The following PTPRM variants were observed in gnomAD, a reference collection of about 807,000 sequenced individuals.
The protein encoded by PTPRM is protein tyrosine phosphatase receptor type M.
Under a neutral mutation model 186.7 loss-of-function variants are expected in PTPRM, and 47 were observed. The observed-to-expected ratio is 0.25, with a 90% CI of 0.20 to 0.32. PTPRM has a LOEUF of 0.32. Among genes scored for constraint, PTPRM ranks in the 10% least tolerant of loss-of-function variants. The pLI, the probability that PTPRM is intolerant of heterozygous loss-of-function variation, is 1.00. For synonymous variants in PTPRM, 668 were observed against 674.9 expected (o/e 0.99, Z 0.16); for missense variants, 1,494 against 1,865.0 (o/e 0.80, Z 3.66).
At chr18:7,774,045 T>C in intron 1 of PTPRM, 104 bp from the exon 2 acceptor site, 1 of 1,183,408 alleles carries the variant, frequency 8.5e-7, no homozygotes, top group Non-Finnish European at 1.2e-6. Flanking sequence ...AGATTTAGTT[T>C]GGCATCAAAC....
At chr18:7,784,355 A>G (rs1295638580) in intron 2 of PTPRM, among the ~76,000 whole-genome samples, 1 of 152,036 alleles carries the variant, frequency 6.6e-6, no homozygotes, top group Admixed American at 6.6e-5. Flanking sequence ...GACACACACC[A>G]TTGCTCCAAG....
intron 2 of PTPRM, among the ~76,000 whole-genome samples, chr18:7,877,181 T>C (rs2048287908): frequency 6.6e-6 from 1 of 152,206 alleles, no homozygotes; most frequent in Admixed American, 6.5e-5. Flanking sequence ...CTTTTGCTCT[T>C]ATAATTAAAT....
intron 1 of PTPRM, among the ~76,000 whole-genome samples, chr18:7,617,689 A>G (rs1164343801): frequency 6.6e-6 from 1 of 152,212 alleles, no homozygotes. Flanking sequence ...GTGTGTAAAT[A>G]TGCATTTTTA....
At chr18:7,584,372 A>T (rs897229063) in intron 1 of PTPRM, among the ~76,000 whole-genome samples, 6 of 152,182 alleles carry the variant, frequency 3.9e-5, no homozygotes, top group African/African-American at 1.4e-4. Context: ...ATTGTTAGGG[A>T]TGAGAAAGAC....
chr18:8,124,597 A>G (rs1372819100), intron 13 of PTPRM, among the ~76,000 whole-genome samples: 6 of 152,158 alleles, frequency 3.9e-5, no homozygotes, highest in Admixed American at 3.9e-4. Context: ...TGAGTGAAAA[A>G]TTGGTATCAT....
chr18:7,792,054 G>A (rs2043369308), intron 2 of PTPRM, among the ~76,000 whole-genome samples: 1 of 152,074 alleles, frequency 6.6e-6, no homozygotes, highest in Non-Finnish European at 1.5e-5. Flanking sequence ...AAATATCATT[G>A]AATAAATGTC....
At chr18:7,659,733 T>C (rs1363332270) in intron 1 of PTPRM, among the ~76,000 whole-genome samples, 2 of 152,226 alleles carry the variant, frequency 1.3e-5, no homozygotes, top group African/African-American at 4.8e-5. Context: ...GACACATGTT[T>C]TCTTTGACCT....
intron 19 of PTPRM, among the ~76,000 whole-genome samples, chr18:8,287,097 T>TA (rs369293033): frequency 1.3e-3 from 191 of 147,820 alleles, no homozygotes; most frequent in African/African-American, 2.7e-3. Flanking sequence ...ATGTTTGCTT[T>TA]AAAAAAAAAA....
At chr18:8,102,102 T>C (rs1248228038) in intron 11 of PTPRM, among the ~76,000 whole-genome samples, 1 of 152,182 alleles carries the variant, frequency 6.6e-6, no homozygotes, top group Non-Finnish European at 1.5e-5. Flanking sequence ...TCTTAAAAAA[T>C]GTATCTACCT....
At chr18:7,584,588 A>G (rs1284592537) in intron 1 of PTPRM, among the ~76,000 whole-genome samples, 4 of 150,826 alleles carry the variant, frequency 2.7e-5, no homozygotes, top group Non-Finnish European at 4.4e-5. Context: ...TTCTCTTGGG[A>G]TGCTTTCTGA....
intron 22 of PTPRM, among the ~76,000 whole-genome samples, chr18:8,340,781 A>T (rs937271484): frequency 6.6e-6 from 1 of 152,222 alleles, no homozygotes; most frequent in Non-Finnish European, 1.5e-5. Flanking sequence ...CCTTGATGCT[A>T]TAGATCAGGA....
At chr18:8,207,446 C>T (rs550175085) in intron 14 of PTPRM, among the ~76,000 whole-genome samples, 1 of 152,152 alleles carries the variant, frequency 6.6e-6, no homozygotes, top group Non-Finnish European at 1.5e-5. Context: ...GCACTACCTA[C>T]GTTTCCAATA....
chr18:7,852,877 A>C (rs1353378721), intron 2 of PTPRM, among the ~76,000 whole-genome samples: 1 of 152,146 alleles, frequency 6.6e-6, no homozygotes, highest in Non-Finnish European at 1.5e-5. Context: ...ATCAAAAAAT[A>C]AAAAATAAAT....
In PTPRM at chr18:8,237,552, G is replaced by A. The variant is rs569778834; in HGVS notation, c.2301-6506G>A. On this transcript the variant is annotated intron_variant, in intron 14 of 32. Coordinates refer to ENST00000580170, the MANE Select transcript of PTPRM (RefSeq NM_001105244.2). The stretch of plus-strand genomic sequence containing the variant: ...CAACCTCAACCTCCCGGGTTCAAGC[G>A]ATTCTCCTGCCTCAGCCTTCTGAGT... 1.2e-3 allele frequency among the ~76,000 whole-genome samples: 179 copies of A among 147,904 alleles called. 1 individual carries two copies. The highest frequency in any genetic ancestry group is 1.2e-3 in the Non-Finnish European group (79 of 67,298).
At chr18:7,951,038 TG>T (rs1428934350) in intron 6 of PTPRM, among the ~76,000 whole-genome samples, 1 of 152,218 alleles carries the variant, frequency 6.6e-6, no homozygotes, top group Non-Finnish European at 1.5e-5. Context: ...CGTAAGGAAG[TG>T]CACATTAAGA....
intron 14 of PTPRM, among the ~76,000 whole-genome samples, chr18:8,154,017 G>T (rs2093067966): frequency 6.6e-6 from 1 of 152,176 alleles, no homozygotes; most frequent in African/African-American, 2.4e-5. Context: ...TATTCTAGAA[G>T]TACCGCATGT....
intron 1 of PTPRM, among the ~76,000 whole-genome samples, chr18:7,632,514 C>A (rs1204792662): frequency 6.6e-6 from 1 of 152,184 alleles, no homozygotes. Context: ...ACCCCAGTGC[C>A]TTAGCACTTG....
intron 5 of PTPRM, among the ~76,000 whole-genome samples, chr18:7,936,639 A>C (rs2051830454): frequency 6.6e-6 from 1 of 152,188 alleles, no homozygotes; most frequent in South Asian, 2.1e-4. Flanking sequence ...GGAGGCAGAC[A>C]GGCTCCAGGG....
chr18:7,658,303 T>C (rs1295926105), intron 1 of PTPRM, among the ~76,000 whole-genome samples: 3 of 147,518 alleles, frequency 2.0e-5, no homozygotes, highest in Non-Finnish European at 4.4e-5. Context: ...ATTAAAAACA[T>C]TGTGGCTTCC....
Sources: gnomAD v4.1 joint callset for allele counts (sites outside exome capture counted in the v4.1 genomes callset) on GRCh38, gnomAD v4.1.1 for gene constraint, MANE v1.5 for transcripts, NCBI Gene and HGNC (gene_info 2026-07-23, HGNC 2026-07-21) for gene names.